The following METTL2A variants were observed in gnomAD, a reference collection of about 807,000 sequenced individuals.
METTL2A encodes methyltransferase 2A, tRNA N3-cytidine.
Under a neutral mutation model 49.4 loss-of-function variants are expected in METTL2A, and 45 were observed. The observed-to-expected ratio is 0.91, with a 90% CI of 0.72 to 1.17. The LOEUF is 1.17. Among genes scored for constraint, METTL2A ranks in the 50% most tolerant of loss-of-function variants. METTL2A has a pLI of 0.00. For synonymous variants in METTL2A, 118 were observed against 167.5 expected (o/e 0.70, Z 2.28); for missense variants, 361 against 462.2 (o/e 0.78, Z 2.01).
At chr17:62,433,956 G>C (rs1045417739) in intron 4 of METTL2A, among the ~76,000 whole-genome samples, 8 of 152,066 alleles carry the variant, frequency 5.3e-5, no homozygotes, top group African/African-American at 1.7e-4. Context: ...GAGCTACTTG[G>C]GGGGCTGAGG....
intron 7 of METTL2A, among the ~76,000 whole-genome samples, 169 bp from the exon 8 acceptor site, chr17:62,447,532 G>A (rs564662713): frequency 3.0e-4 from 45 of 152,252 alleles, no homozygotes; most frequent in African/African-American, 9.9e-4. Flanking sequence ...GCTTAGGAAC[G>A]TCATGTTTTC....
chr17:62,437,012 G>A (rs1387500098), intron 5 of METTL2A, among the ~76,000 whole-genome samples: 3 of 151,684 alleles, frequency 2.0e-5, no homozygotes, highest in Admixed American at 6.6e-5. Context: ...TTGCCCAACC[G>A]TAAGAAGCAA....
intron 3 of METTL2A, among the ~76,000 whole-genome samples, 167 bp downstream of exon 3, chr17:62,426,821 C>T (rs1264453965): frequency 1.3e-5 from 2 of 152,162 alleles, no homozygotes; most frequent in African/African-American, 4.8e-5. Flanking sequence ...TGATAAAATG[C>T]CCTCAATGCA....
At chr17:62,429,263 A>G (rs1030674866) in intron 4 of METTL2A, among the ~76,000 whole-genome samples, 1 of 150,010 alleles carries the variant, frequency 6.7e-6, no homozygotes, top group African/African-American at 2.5e-5. Context: ...AGGTCATCTC[A>G]TTAAATTCAG....
rs541453347 is a variant in METTL2A at position 62,440,334 on chromosome 17, C to G, written c.670-283C>G. On this transcript the variant is annotated intron_variant, in intron 5 of 8. Coordinates refer to ENST00000311506, the MANE Select transcript of METTL2A (RefSeq NM_181725.4). ...GTCTCCACATCCTTGCCATTACTTT[C>G]AATAGCAAAAACCGCAATTACTTTT... 5.3e-5 allele frequency among the ~76,000 whole-genome samples: 8 copies of G among 152,124 alleles called. No homozygotes were observed. The South Asian group carries it at 1.5e-3, about 28-fold the overall frequency.
chr17:62,436,153 G>A (rs2070698963), intron 5 of METTL2A, among the ~76,000 whole-genome samples: 1 of 152,178 alleles, frequency 6.6e-6, no homozygotes, highest in South Asian at 2.1e-4. Flanking sequence ...TGAGGCAGGA[G>A]AATCACTTGA....
intron 4 of METTL2A, among the ~76,000 whole-genome samples, chr17:62,429,529 G>C (rs900967367): frequency 2.0e-5 from 3 of 152,138 alleles, no homozygotes; most frequent in Non-Finnish European, 4.4e-5. Context: ...GACCTCAGGT[G>C]ATCCACCTGC....
At position 62,426,339 on chromosome 17, in the gene METTL2A, C is replaced by T. The variant is rs763100719; in HGVS notation, c.243C>T (p.Phe81=). The T allele has an allele frequency of 6.2e-7, 1 of 1,613,134 alleles. No homozygotes were observed. The highest frequency in any genetic ancestry group is 8.5e-7 in the Non-Finnish European group (1 of 1,179,474). Residue 81 remains phenylalanine (F), a synonymous_variant, in exon 3 of 9, where the codon TTC becomes TTT. Coordinates refer to ENST00000311506, the MANE Select transcript of METTL2A (RefSeq NM_181725.4). ...ATGCCCACAAATACTGGAATGACTT[C>T]TACAAAATCCACGAAAATGGGTTTT... ...EINAHKYWND[F]YKIHENGFFK...
chr17:62,447,461 T>C (rs2070776637), intron 7 of METTL2A, among the ~76,000 whole-genome samples: 1 of 152,118 alleles, frequency 6.6e-6, no homozygotes, highest in Non-Finnish European at 1.5e-5. Context: ...GTTAATTTAA[T>C]GGGGTTGGGA....
At position 62,451,347 on chromosome 17, in the gene METTL2A, C is replaced by T. The variant is rs2144164680; in HGVS notation, c.*2618C>T. Among the ~76,000 whole-genome samples the T allele has an allele frequency of 6.6e-6, 1 of 151,572 alleles. No individual in the cohort carries two copies. The highest frequency in any genetic ancestry group is 1.5e-5 in the Non-Finnish European group (1 of 67,758). On this transcript the variant is annotated 3_prime_UTR_variant, in exon 9 of 9. Coordinates refer to ENST00000311506, the MANE Select transcript of METTL2A (RefSeq NM_181725.4). ...ATTTTTAGTAGAGACAGAGTTTCTC[C>T]ATGTTGGTCAGGCTGATCTCGAACT...
intron 7 of METTL2A, among the ~76,000 whole-genome samples, chr17:62,447,256 TA>T (rs1281972880): frequency 6.6e-6 from 1 of 151,946 alleles, no homozygotes; most frequent in Non-Finnish European, 1.5e-5. Flanking sequence ...CTGACTCTAC[TA>T]AAAATACAAA....
At chr17:62,432,019 G>A (rs974394966) in intron 4 of METTL2A, among the ~76,000 whole-genome samples, 17 of 151,862 alleles carry the variant, frequency 1.1e-4, no homozygotes, top group African/African-American at 3.2e-4. Context: ...GCACCTGGCC[G>A]TAATACAGTG....
chr17:62,430,062 T>C (rs1379769998), intron 4 of METTL2A, among the ~76,000 whole-genome samples: 1 of 152,256 alleles, frequency 6.6e-6, no homozygotes, highest in Non-Finnish European at 1.5e-5. Context: ...TCATATAATA[T>C]ATACTTTGCC....
chr17:62,446,402 T>A (rs1380514260), intron 7 of METTL2A, among the ~76,000 whole-genome samples: 1 of 152,110 alleles, frequency 6.6e-6, no homozygotes, highest in East Asian at 1.9e-4. Context: ...CCTCTGTCTC[T>A]TGGGTTCAAG....
chr17:62,440,833 C>T (rs998651927), intron 6 of METTL2A, 77 bp downstream of exon 6: 21 of 1,543,432 alleles, frequency 1.4e-5, no homozygotes, highest in Non-Finnish European at 1.8e-5. Flanking sequence ...AAAATAGGTT[C>T]TTGCTCTGTC....
intron 4 of METTL2A, among the ~76,000 whole-genome samples, chr17:62,431,137 T>A (rs1235149704): frequency 6.6e-6 from 1 of 151,978 alleles, no homozygotes; most frequent in Admixed American, 6.6e-5. Context: ...AGTGCTGGGA[T>A]TACAGGTGTG....
intron 3 of METTL2A, among the ~76,000 whole-genome samples, chr17:62,426,896 T>C (rs1363552269): frequency 2.0e-5 from 3 of 152,210 alleles, no homozygotes; most frequent in Admixed American, 6.6e-5. Flanking sequence ...CTTCCAAAAA[T>C]TGTATTAATG....
intron 7 of METTL2A, among the ~76,000 whole-genome samples, chr17:62,447,130 A>G (rs1598038268): frequency 6.6e-6 from 1 of 152,148 alleles, no homozygotes; most frequent in Non-Finnish European, 1.5e-5. Flanking sequence ...TAAAAAAAAT[A>G]AAAATAGGCC....
In METTL2A at chr17:62,427,780, G is replaced by A; in HGVS notation, c.559-8G>A. 1 of 1,606,976 alleles carries A rather than the reference G, an allele frequency of 6.2e-7. No homozygotes were observed. The highest frequency in any genetic ancestry group is 8.5e-7 in the Non-Finnish European group (1 of 1,178,396). On this transcript the variant is annotated splice_region_variant and splice_polypyrimidine_tract_variant and intron_variant, in intron 3 of 8. Coordinates refer to ENST00000311506, the MANE Select transcript of METTL2A (RefSeq NM_181725.4). ...GTTCTGTGATTAATAGTTCATTTCT[G>A]TCTGCAGGTTGGCTGTGGTGTGGGA...
Sources: allele counts gnomAD v4.1 joint callset (sites outside exome capture counted in the v4.1 genomes callset), GRCh38; gene constraint gnomAD v4.1.1; transcripts MANE v1.5; gene names NCBI Gene and HGNC (gene_info 2026-07-23, HGNC 2026-07-21).